Variants in RANBP2 observed in about 807,000 individuals in gnomAD.
RANBP2 encodes the protein RAN binding protein 2, also known as E3 SUMO-protein ligase RanBP2.
RANBP2 carries 57 observed loss-of-function variants against 303.6 expected under a neutral mutation model. The ratio of observed to expected loss-of-function variants is 0.19; its 90% confidence interval spans 0.15 to 0.23. The LOEUF (loss-of-function observed/expected upper bound fraction) is 0.23. Among genes scored for constraint, RANBP2 ranks in the 10% least tolerant of loss-of-function variants. RANBP2 has a pLI of 1.00. For missense variants in RANBP2, 3,138 were observed against 3,780.8 expected, an observed-to-expected ratio of 0.83 and a Z score of 4.46; for synonymous variants, 1,167 against 1,301.5, an observed-to-expected ratio of 0.90 and a Z score of 2.23.
At chr2:108,892,756 A>AT in the RANBP2 span, among the ~76,000 whole-genome samples, 1 of 152,150 alleles carries the variant, frequency 6.6e-6, no homozygotes, top group African/African-American at 2.4e-5. Context: ...CTTTCCCTGA[A>AT]TTGGGAAGTC....
At chr2:108,976,370 C>T in the RANBP2 span, among the ~76,000 whole-genome samples, 1 of 152,200 alleles carries the variant, frequency 6.6e-6, no homozygotes, top group African/African-American at 2.4e-5. Flanking sequence ...GTGCCATTCT[C>T]ATCACATGAA....
At chr2:109,647,320 C>T in the RANBP2 span, among the ~76,000 whole-genome samples, 5 of 151,938 alleles carry the variant, frequency 3.3e-5, no homozygotes, top group East Asian at 7.8e-4. Context: ...TGTGCCACCA[C>T]GGCCAGATAA....
chr2:108,731,929 A>G (rs1695198785), intron 4 of RANBP2: 1 of 173,132 alleles, frequency 5.8e-6, no homozygotes, highest in Non-Finnish European at 1.2e-5. Flanking sequence ...TTTCTCTAGT[A>G]TATAAGACGT....
chr2:109,335,489 C>T, the RANBP2 span, among the ~76,000 whole-genome samples: 1 of 152,196 alleles, frequency 6.6e-6, no homozygotes, highest in Non-Finnish European at 1.5e-5. Context: ...AGCCCTCGCT[C>T]ATCCACGTGT....
At chr2:109,333,697 A>G in the RANBP2 span, among the ~76,000 whole-genome samples, 2 of 152,198 alleles carry the variant, frequency 1.3e-5, no homozygotes, top group African/African-American at 4.8e-5. Flanking sequence ...TAAGAGCACA[A>G]ATTCTGAAAC....
the RANBP2 span, among the ~76,000 whole-genome samples, chr2:109,686,419 A>T: frequency 6.6e-6 from 1 of 152,094 alleles, no homozygotes; most frequent in Non-Finnish European, 1.5e-5. Context: ...GGTTCACGCC[A>T]TTCTCCTGCC....
chr2:108,946,873 C>A, the RANBP2 span, among the ~76,000 whole-genome samples: 1 of 149,002 alleles, frequency 6.7e-6, no homozygotes, highest in Non-Finnish European at 1.5e-5. Context: ...CTTATTCCGC[C>A]CCTGGTCCCT....
chr2:109,650,171 C>T, the RANBP2 span, among the ~76,000 whole-genome samples: 176 of 152,282 alleles, frequency 1.2e-3, no homozygotes, highest in African/African-American at 3.9e-3. Flanking sequence ...CATCATCATA[C>T]GTTCTGGTGA....
At chr2:109,509,963 A>C in the RANBP2 span, among the ~76,000 whole-genome samples, 1 of 152,244 alleles carries the variant, frequency 6.6e-6, no homozygotes, top group Non-Finnish European at 1.5e-5. Context: ...AAGGGATCGC[A>C]GGAAACTCTT....
chr2:109,404,885 C>A, the RANBP2 span, among the ~76,000 whole-genome samples: 1 of 152,138 alleles, frequency 6.6e-6, no homozygotes, highest in South Asian at 2.1e-4. Context: ...CAGCACTTGA[C>A]GCTGTGGACA....
chr2:109,235,519 T>C, the RANBP2 span, among the ~76,000 whole-genome samples: 1 of 152,236 alleles, frequency 6.6e-6, no homozygotes, highest in South Asian at 2.1e-4. Context: ...GGCCATCTGG[T>C]CACCTGGAGA....
chr2:108,942,619 G>C, the RANBP2 span, among the ~76,000 whole-genome samples: 3 of 152,272 alleles, frequency 2.0e-5, no homozygotes, highest in South Asian at 6.2e-4. Flanking sequence ...GCCGTGAGGC[G>C]GGCGGTTCCG....
the RANBP2 span, among the ~76,000 whole-genome samples, chr2:109,345,277 G>T: frequency 3.5e-4 from 53 of 152,208 alleles, no homozygotes; most frequent in African/African-American, 1.1e-3. Flanking sequence ...GTCTAGAGAA[G>T]GCTGATGGTG....
the RANBP2 span, among the ~76,000 whole-genome samples, chr2:109,078,131 A>AGCCTTAAAAAAGAAGGAAGT: frequency 2.0e-4 from 18 of 91,164 alleles, no homozygotes; most frequent in Non-Finnish European, 3.3e-4. Context: ...GTGTATATAT[A>AGCCTTAAAAAAGAAGGAAGT]TATAGCGTGT....
the RANBP2 span, among the ~76,000 whole-genome samples, chr2:108,854,435 A>G: frequency 2.6e-5 from 4 of 152,014 alleles, no homozygotes; most frequent in Non-Finnish European, 5.9e-5. Context: ...TTATTTTTTA[A>G]TGAGAGAATT....
At chr2:109,648,800 C>T in the RANBP2 span, among the ~76,000 whole-genome samples, 7 of 151,692 alleles carry the variant, frequency 4.6e-5, no homozygotes, top group Admixed American at 1.3e-4. Context: ...ATTACAGGCA[C>T]GTGCCACCAC....
the RANBP2 span, among the ~76,000 whole-genome samples, chr2:108,837,795 TGGG>T: frequency 3.2e-4 from 48 of 152,334 alleles, no homozygotes; most frequent in South Asian, 2.3e-3. Context: ...ATTAAAAAGT[TGGG>T]GGGAGAAGTT....
chr2:108,960,685 CTA>C, the RANBP2 span, among the ~76,000 whole-genome samples: 3 of 152,046 alleles, frequency 2.0e-5, no homozygotes, highest in Admixed American at 1.3e-4. Flanking sequence ...AAGAAGAAAA[CTA>C]AAAATCACTG....
chr2:109,072,180 G>T, the RANBP2 span, among the ~76,000 whole-genome samples: 1 of 152,320 alleles, frequency 6.6e-6, no homozygotes, highest in East Asian at 1.9e-4. Flanking sequence ...ATTTATTGAT[G>T]AAGACTTAGA....
Sources: gnomAD v4.1 joint callset for allele counts (sites outside exome capture counted in the v4.1 genomes callset) on GRCh38, gnomAD v4.1.1 for gene constraint, MANE v1.5 for transcripts, NCBI Gene and HGNC (gene_info 2026-07-23, HGNC 2026-07-21) for gene names.